Variants in EPS8 observed in about 807,000 individuals in gnomAD.
EPS8 encodes epidermal growth factor receptor kinase substrate 8.
In EPS8, 42 loss-of-function variants were observed where a neutral mutation model predicts 103.8. The observed-to-expected ratio is 0.40, with a 90% CI of 0.32 to 0.52. The LOEUF (loss-of-function observed/expected upper bound fraction) is 0.52. Ranked by LOEUF, EPS8 falls within the 20% of genes least tolerant of loss-of-function variation. EPS8 has a pLI of 0.40. For missense variants in EPS8, 969 were observed against 1,005.1 expected (o/e 0.96, Z 0.49); for synonymous variants, 344 against 344.6 (o/e 1.00, Z 0.02).
intron 17 of EPS8, among the ~76,000 whole-genome samples, chr12:15,639,559 C>CTT (rs368036680): frequency 5.5e-4 from 84 of 152,148 alleles, no homozygotes; most frequent in African/African-American, 1.8e-3. Flanking sequence ...ATTGCCATCA[C>CTT]TTTAAGTTAC....
chr12:15,758,373 C>T (rs1947009073), intron 1 of EPS8, among the ~76,000 whole-genome samples: 1 of 152,116 alleles, frequency 6.6e-6, no homozygotes, highest in Non-Finnish European at 1.5e-5. Flanking sequence ...GCCTGAACTC[C>T]AAAAAATCAA....
At chr12:15,658,227 CAG>C in intron 11 of EPS8, 74 bp from the exon 12 acceptor site, 1 of 970,706 alleles carries the variant, frequency 1.0e-6, no homozygotes, top group Non-Finnish European at 1.6e-6. Context: ...AACATAGACA[CAG>C]AGGGGACGGT....
Position 15,667,813 on chromosome 12 carries a change from C to A in EPS8, c.517-1291G>T, listed in dbSNP as rs565031672. ...TATGAAACTAATGAGTAAATGCATACAGTGCTTCGTGGTATGTGAGCTTTT... is the reference window on the plus strand; with the variant it reads ...TATGAAACTAATGAGTAAATGCATAAAGTGCTTCGTGGTATGTGAGCTTTT... On this transcript the variant is annotated intron_variant, in intron 6 of 20. Transcript: ENST00000281172. 4.6e-5 allele frequency among the ~76,000 whole-genome samples: 7 copies of A among 152,194 alleles called. No homozygotes were observed. In the South Asian group the frequency reaches 1.5e-3, roughly 32 times the overall value.
In EPS8 at chr12:15,650,942, G is replaced by T; in HGVS notation, c.1315C>A (p.Pro439Thr). 6.2e-7 allele frequency: 1 copy of T among 1,614,052 alleles called. No homozygotes were observed. Among genetic ancestry groups the T allele is most frequent in the Non-Finnish European group, 8.5e-7 (1 of 1,179,942 alleles). The change falls in exon 14 of 21, where the codon CCC becomes ACC. Residue 439 changes from proline (P) to threonine (T), a missense_variant. Physicochemically the swap from Pro to Thr is conservative, Grantham distance 38. Transcript: ENST00000281172. ...YVPRFRNGWE[P>T]PMLNFMGATM... ...GCTCCCATAAAGTTCAGCATTGGGG[G>T]CTCCCAGCCATTGCGGAATCGTGGA... is the stretch of plus-strand genomic sequence containing the variant.
Position 15,730,738 on chromosome 12 carries a change from C to T in EPS8, c.-21-47766G>A, listed in dbSNP as rs143576226. Among the ~76,000 whole-genome samples, 66 of 152,206 alleles carry T rather than the reference C, an allele frequency of 4.3e-4. No homozygotes were observed. In the East Asian group the frequency reaches 6.4e-3, roughly 15 times the overall value. ...GACCACTATACATTGTTATCAGTAT[C>T]GACTAGTTTCTAACCGCTGCTCATC... On this transcript the variant is annotated intron_variant, in intron 1 of 20. Coordinates refer to ENST00000281172, the MANE Select transcript of EPS8 (RefSeq NM_004447.6).
rs1011356009 is a variant in EPS8 at position 15,772,977 on chromosome 12, T to C, written c.-22+16184A>G. On this transcript the variant is annotated intron_variant, in intron 1 of 20. Transcript: ENST00000281172. The surrounding 1 kb of genome is among the most constrained non-coding windows in gnomAD (Gnocchi z 5.0). ...TCCTTTTGGTTTAGCTTTTAGAAGA[T>C]GGCAGATGACCTACAGACATAAGCT... 6.6e-6 allele frequency among the ~76,000 whole-genome samples: 1 copy of C among 152,164 alleles called. No homozygotes were observed. The highest frequency in any genetic ancestry group is 6.5e-5 in the Admixed American group (1 of 15,276).
chr12:15,649,738 C>T (rs957516347), intron 14 of EPS8, among the ~76,000 whole-genome samples: 12 of 152,110 alleles, frequency 7.9e-5, no homozygotes, highest in African/African-American at 2.7e-4. Context: ...AAAGAATAGT[C>T]CACAAAGGGA....
intron 1 of EPS8, among the ~76,000 whole-genome samples, chr12:15,739,780 C>G (rs1340239447): frequency 6.6e-6 from 1 of 152,106 alleles, no homozygotes; most frequent in Non-Finnish European, 1.5e-5. Context: ...ATCCATCCAT[C>G]CATCCACCCA....
intron 1 of EPS8, among the ~76,000 whole-genome samples, chr12:15,703,735 C>G (rs985624402): frequency 6.7e-6 from 1 of 149,864 alleles, no homozygotes; most frequent in Non-Finnish European, 1.5e-5. Flanking sequence ...CAGACTAGAT[C>G]AGAGAACGAA....
chr12:15,672,151 TATAATAG>T (rs1945828262), intron 3 of EPS8, among the ~76,000 whole-genome samples: 1 of 152,174 alleles, frequency 6.6e-6, no homozygotes. Context: ...ATAGATATTC[TATAATAG>T]ATAAGTTGTT....
At chr12:15,640,581 G>C in intron 17 of EPS8, 122 bp downstream of exon 17, 2 of 810,502 alleles carry the variant, frequency 2.5e-6, no homozygotes, top group Non-Finnish European at 3.6e-6. Context: ...AATTACTCTA[G>C]AAAAAATATA....
chr12:15,713,158 C>T lies in EPS8; in HGVS notation c.-21-30186G>A, dbSNP rs2135963125. On this transcript the variant is annotated intron_variant, in intron 1 of 20. Transcript: ENST00000281172. This position sits in a 1 kb window ranked among gnomAD's most constrained non-coding sequence, Gnocchi z 4.8. ...TGAAAATAATACTGGCTAGCATTGA[C>T]TGAAAGCTTACTGTGTGGTCTAAAT... is the stretch of plus-strand genomic sequence containing the variant. 1 of 198,308 alleles carries T rather than the reference C, an allele frequency of 5.0e-6. No homozygotes were observed. The highest frequency in any genetic ancestry group is 2.4e-5 in the African/African-American group (1 of 42,310). 12.3% of individuals were successfully genotyped at this position (198,308 alleles called of 1,614,324 possible).
intron 3 of EPS8, among the ~76,000 whole-genome samples, chr12:15,675,505 CAGG>C (rs1420857555): frequency 6.6e-6 from 1 of 152,190 alleles, no homozygotes; most frequent in African/African-American, 2.4e-5. Flanking sequence ...GAGGCTGAGG[CAGG>C]AGAATTACTT....
At chr12:15,652,795 A>C (rs1484803763) in intron 13 of EPS8, among the ~76,000 whole-genome samples, 1 of 152,202 alleles carries the variant, frequency 6.6e-6, no homozygotes, top group Non-Finnish European at 1.5e-5. Flanking sequence ...AAGTCCAGAA[A>C]ATAAGTGGAA....
At position 15,760,953 on chromosome 12, in the gene EPS8, G is replaced by C. The variant is rs776167066; in HGVS notation, c.-22+28208C>G. On this transcript the variant is annotated intron_variant, in intron 1 of 20. Coordinates refer to ENST00000281172, the MANE Select transcript of EPS8 (RefSeq NM_004447.6). The surrounding 1 kb of genome is among the most constrained non-coding windows in gnomAD (Gnocchi z 4.5). ...GCAGTACTCCTAGCTAGAGCAATCA[G>C]ACAAGAGAAAGAAAGAAAGGGCATC... Among the ~76,000 whole-genome samples the C allele has an allele frequency of 1.3e-5, 2 of 151,786 alleles. No individual in the cohort carries two copies. Among genetic ancestry groups the C allele is most frequent in the East Asian group, 3.9e-4 (2 of 5,192 alleles).
rs1947219091 is a variant in EPS8, at chr12:15,777,513, T to C, written c.-22+11648A>G. 6.6e-6 allele frequency among the ~76,000 whole-genome samples: 1 copy of C among 152,192 alleles called. No homozygotes were observed. Among genetic ancestry groups the C allele is most frequent in the Admixed American group, 6.6e-5 (1 of 15,260 alleles). ...TAGTACCCAAATAAGGTAAAGGCGA[T>C]GAAGGCTTCAATCCCTCCTTTGTTT... On this transcript the variant is annotated intron_variant, in intron 1 of 20. Transcript: ENST00000281172. The surrounding 1 kb of genome is among the most constrained non-coding windows in gnomAD (Gnocchi z 4.7).
intron 12 of EPS8, among the ~76,000 whole-genome samples, chr12:15,656,993 C>T (rs961911469): frequency 1.3e-5 from 2 of 152,106 alleles, no homozygotes; most frequent in Non-Finnish European, 2.9e-5. Flanking sequence ...AATAATGACC[C>T]TAGCTTTTTC....
chr12:15,638,026 T>C (rs1245568865), intron 17 of EPS8, among the ~76,000 whole-genome samples: 2 of 152,170 alleles, frequency 1.3e-5, no homozygotes, highest in Non-Finnish European at 2.9e-5. Flanking sequence ...AAGGTTAGGG[T>C]ATTAGGATCA....
intron 1 of EPS8, among the ~76,000 whole-genome samples, chr12:15,746,011 A>T (rs1946871615): frequency 6.6e-6 from 1 of 152,210 alleles, no homozygotes; most frequent in Non-Finnish European, 1.5e-5. Context: ...ACATTCTATG[A>T]ACACCTTTAT....
Sources: gnomAD v4.1 joint callset for allele counts (sites outside exome capture counted in the v4.1 genomes callset) on GRCh38, gnomAD v4.1.1 for gene constraint, Gnocchi (gnomAD v3.1) non-coding constraint, MANE v1.5 for transcripts, NCBI Gene and HGNC (gene_info 2026-07-23, HGNC 2026-07-21) for gene names.